Variants in MDH1B observed in about 807,000 individuals in gnomAD.
MDH1B encodes the protein putative malate dehydrogenase 1B.
A neutral mutation model predicts 61.4 loss-of-function variants in MDH1B; 60 were observed. The ratio of observed to expected loss-of-function variants is 0.98; its 90% CI spans 0.79 to 1.21. MDH1B has a LOEUF of 1.21. Among genes scored for constraint, MDH1B ranks in the 50% most tolerant of loss-of-function variants. MDH1B has a pLI of 0.00. For missense variants in MDH1B, 587 were observed against 632.1 expected (o/e 0.93, Z 0.76); for synonymous variants, 236 against 218.7 (o/e 1.08, Z -0.70).
intron 5 of MDH1B, among the ~76,000 whole-genome samples, chr2:206,754,782 T>A (rs1257116113): frequency 6.6e-6 from 1 of 152,184 alleles, no homozygotes; most frequent in Non-Finnish European, 1.5e-5. Context: ...TTGTATCTTA[T>A]TAAATATTTA....
chr2:206,758,978 CTTTA>C (rs981605057), intron 2 of MDH1B, among the ~76,000 whole-genome samples: 81 of 133,784 alleles, frequency 6.1e-4, no homozygotes, highest in African/African-American at 2.1e-3. Flanking sequence ...TTTTTTTTTT[CTTTA>C]TTTAAACTTC....
intron 5 of MDH1B, among the ~76,000 whole-genome samples, chr2:206,753,841 G>A (rs1371055669): frequency 1.3e-5 from 2 of 152,138 alleles, no homozygotes; most frequent in African/African-American, 4.8e-5. Flanking sequence ...CAAGACAGCA[G>A]CTTTCTGGCT....
chr2:206,754,229 T>A (rs977034980), intron 5 of MDH1B, among the ~76,000 whole-genome samples: 34 of 152,340 alleles, frequency 2.2e-4, no homozygotes, highest in African/African-American at 7.2e-4. Context: ...CATTTCATTG[T>A]CTTTCCAATT....
At chr2:206,751,109 T>C (rs954803846) in intron 5 of MDH1B, 34 bp from the exon 6 acceptor site, 2 of 1,416,872 alleles carry the variant, frequency 1.4e-6, no homozygotes, top group Non-Finnish European at 1.9e-6. Context: ...AAAATAATAA[T>C]AATGTATGTT....
chr2:206,763,544 G>A (rs559436760), intron 1 of MDH1B, among the ~76,000 whole-genome samples: 1 of 152,084 alleles, frequency 6.6e-6, no homozygotes, highest in East Asian at 1.9e-4. Flanking sequence ...ATAAAATTCA[G>A]ATTTGATTAG....
intron 2 of MDH1B, 21 bp downstream of exon 2, chr2:206,760,880 C>T (rs993156483): frequency 3.2e-5 from 46 of 1,428,130 alleles, no homozygotes; most frequent in Non-Finnish European, 4.1e-5. Context: ...GTGAGTTCAA[C>T]AAACTATAAA....
chr2:206,745,723 A>G (rs900406761), intron 8 of MDH1B, 50 bp from the exon 9 acceptor site: 1 of 1,233,814 alleles, frequency 8.1e-7, no homozygotes, highest in African/African-American at 1.6e-5. Context: ...TTCCTAACTT[A>G]ATTCTTCTTT....
At chr2:206,760,262 C>G (rs1689012025) in intron 2 of MDH1B, among the ~76,000 whole-genome samples, 1 of 152,176 alleles carries the variant, frequency 6.6e-6, no homozygotes, top group Admixed American at 6.5e-5. Context: ...TCAGCCAAAG[C>G]AAATTGCCTT....
chr2:206,749,048 C>T lies in MDH1B; in HGVS notation c.1188G>A (p.Glu396=). Residue 396 remains glutamate, a synonymous_variant, in exon 7 of 12, where the codon GAG becomes GAA. Coordinates refer to ENST00000374412, the MANE Select transcript of MDH1B (RefSeq NM_001039845.3). ...KYWYHGSPPG[E]IVSLGILSEG... is the part of the protein sequence containing the mutation. ...CACTCAATATTCCTAAAGATACAAT[C>T]TCCCCAGGTGGTGAGCCATGGTACC... 1 of 1,613,750 alleles carries T rather than the reference C, an allele frequency of 6.2e-7. No individual in the cohort carries two copies. The highest frequency in any genetic ancestry group is 1.3e-5 in the African/African-American group (1 of 75,036).
chr2:206,746,457 G>A (rs1688118038), intron 7 of MDH1B, 31 bp from the exon 8 acceptor site: 1 of 1,584,210 alleles, frequency 6.3e-7, no homozygotes, highest in Admixed American at 1.8e-5. Context: ...GCAAAGCAAT[G>A]CAGCAGAACT....
chr2:206,739,142 A>G (rs898603539), intron 11 of MDH1B, among the ~76,000 whole-genome samples: 14 of 152,182 alleles, frequency 9.2e-5, no homozygotes, highest in Non-Finnish European at 1.6e-4. Flanking sequence ...CAGGCCAGGC[A>G]CGGTGGCTCA....
At chr2:206,757,205 C>A in intron 3 of MDH1B, 32 bp downstream of exon 3, 1 of 1,576,000 alleles carries the variant, frequency 6.3e-7, no homozygotes. Flanking sequence ...AGAGAATTAT[C>A]ATTATTAGAA....
At chr2:206,750,337 T>C (rs1329428975) in intron 6 of MDH1B, among the ~76,000 whole-genome samples, 1 of 147,490 alleles carries the variant, frequency 6.8e-6, no homozygotes, top group African/African-American at 2.5e-5. Context: ...CATGTTACCA[T>C]TTCCACTTTG....
chr2:206,749,018 A>T lies in MDH1B; in HGVS notation c.1216+2T>A, dbSNP rs754690036. ...TACAAGATATGAAAAACCCAGATTT[A>T]CCTTCACTCAATATTCCTAAAGATA... On this transcript the variant is annotated splice_donor_variant, in intron 7 of 11. Coordinates refer to ENST00000374412, the MANE Select transcript of MDH1B (RefSeq NM_001039845.3). LOFTEE classifies it high-confidence loss of function. The T allele has an allele frequency of 1.2e-6, 2 of 1,611,628 alleles. No homozygotes were observed. Among genetic ancestry groups the T allele is most frequent in the Non-Finnish European group, 1.7e-6 (2 of 1,179,182 alleles).
chr2:206,748,696 T>C (rs1016647982), intron 7 of MDH1B, among the ~76,000 whole-genome samples: 2 of 152,218 alleles, frequency 1.3e-5, no homozygotes, highest in African/African-American at 4.8e-5. Context: ...CTGCCTAGAA[T>C]TGACCTTGCT....
Position 206,742,345 on chromosome 2 carries a change from G to A in MDH1B, c.1409-1241C>T, listed in dbSNP as rs915975860. 3.9e-5 allele frequency among the ~76,000 whole-genome samples: 6 copies of A among 152,194 alleles called. No homozygotes were observed. In the East Asian group the frequency reaches 5.8e-4, roughly 15 times the overall value. On this transcript the variant is annotated intron_variant, in intron 9 of 11. Transcript: ENST00000374412. ...GGATGCTGCAACTTGGAATGGAGAC[G>A]TGTGGGAGAACCCTGATGAAGCTGG...
At chr2:206,750,398 GTTT>G (rs1688368261) in intron 6 of MDH1B, among the ~76,000 whole-genome samples, 1 of 144,678 alleles carries the variant, frequency 6.9e-6, no homozygotes, top group Non-Finnish European at 1.5e-5. Flanking sequence ...CTGTAACTCA[GTTT>G]TTCATCTGCA....
chr2:206,755,848 A>G (rs1187752993), intron 4 of MDH1B, among the ~76,000 whole-genome samples: 1 of 152,190 alleles, frequency 6.6e-6, no homozygotes, highest in African/African-American at 2.4e-5. Context: ...CTAAAAAGAT[A>G]AAGATGTAAG....
intron 5 of MDH1B, among the ~76,000 whole-genome samples, chr2:206,753,315 G>A (rs2105938268): frequency 6.6e-6 from 1 of 152,172 alleles, no homozygotes; most frequent in Middle Eastern, 3.4e-3. Context: ...TTGAGTCAAG[G>A]TCCTTCTCTG....
Sources: allele counts gnomAD v4.1 joint callset (sites outside exome capture counted in the v4.1 genomes callset), GRCh38; gene constraint gnomAD v4.1.1; transcripts MANE v1.5; gene names NCBI Gene and HGNC (gene_info 2026-07-23, HGNC 2026-07-21).